Variants in NUP93 observed in about 807,000 individuals in gnomAD.
The protein encoded by NUP93 is nucleoporin 93, also known as nuclear pore complex protein Nup93.
Under a neutral mutation model 107.8 loss-of-function variants are expected in NUP93, and 55 were observed. The observed-to-expected ratio is 0.51, with a 90% confidence interval of 0.41 to 0.64. NUP93 has a LOEUF of 0.64. Ranked by LOEUF, NUP93 falls within the 30% of genes least tolerant of loss-of-function variation. The probability of loss-of-function intolerance (pLI) is 0.00; values close to 1 mark genes in which losing one functional copy is unlikely to be tolerated. For missense variants in NUP93, 937 were observed against 1,044.7 expected, an observed-to-expected ratio of 0.90 and a Z score of 1.42; for synonymous variants, 390 against 397.5, an observed-to-expected ratio of 0.98 and a Z score of 0.22.
rs755118448 is a variant in NUP93 at position 56,831,891 on chromosome 16, C to G, written c.1135C>G (p.Leu379Val). The change falls in exon 11 of 22, where the codon CTC becomes GTC. Residue 379 changes from leucine (L) to valine (V), a missense_variant. Physicochemically the swap from Leu to Val is conservative, Grantham distance 32. Transcript: ENST00000308159. ...NKLRLHYRRA[L>V]RNNTDPYKRA... ...GCTCCGGCTGCATTACCGTAGGGCC[C>G]TCAGGAACAATACAGATCCCTACAA... The G allele has an allele frequency of 4.3e-6, 7 of 1,614,116 alleles. No individual in the cohort carries two copies. Among genetic ancestry groups the G allele is most frequent in the Non-Finnish European group, 5.9e-6 (7 of 1,180,018 alleles).
At chr16:56,770,517 C>A (rs554558677) in intron 3 of NUP93, among the ~76,000 whole-genome samples, 22 of 152,132 alleles carry the variant, frequency 1.4e-4, no homozygotes, top group Non-Finnish European at 3.1e-4. Context: ...AAATTGACTT[C>A]CGCCACCCCC....
At chr16:56,831,724 AC>A (rs1963789987) in intron 10 of NUP93, 117 bp from the exon 11 acceptor site, 1 of 1,011,854 alleles carries the variant, frequency 9.9e-7, no homozygotes, top group African/African-American at 1.6e-5. Flanking sequence ...AGTGTCTCTT[AC>A]CCCGGATGAA....
rs1964139492 is a variant in NUP93 at position 56,848,415 on chromosome 16, C to T, written c.*3806C>T. The T allele has an allele frequency of 6.6e-6, 1 of 152,200 alleles. No homozygotes were observed. The highest frequency in any genetic ancestry group is 2.1e-4 in the South Asian group (1 of 4,822). The allele number at this position is 152,200 out of a possible 1,614,324, so 9.4% of individuals were successfully genotyped here. ...TATCAGAATTGAGCTTTTGTTCCTGCATCTCAGAAATACCAGGAAGAAGTC... is the reference window on the plus strand; with the variant it reads ...TATCAGAATTGAGCTTTTGTTCCTGTATCTCAGAAATACCAGGAAGAAGTC... On this transcript the variant is annotated 3_prime_UTR_variant, in exon 22 of 22. Coordinates refer to ENST00000308159, the MANE Select transcript of NUP93 (RefSeq NM_014669.5).
chr16:56,784,236 G>A (rs1375044041), intron 3 of NUP93, among the ~76,000 whole-genome samples: 1 of 152,098 alleles, frequency 6.6e-6, no homozygotes, highest in African/African-American at 2.4e-5. Context: ...AAAGCAGTCT[G>A]TTTTCCATTC....
rs1964114623 is a variant in NUP93 at position 56,846,191 on chromosome 16, A to T, written c.*1582A>T. On this transcript the variant is annotated 3_prime_UTR_variant, in exon 22 of 22. Transcript: ENST00000308159. ...CTTTGGGAGGCCAAGGCAGGTGATCACCTGAGATCAGGAGTTCAAGACCAG... is the reference window on the plus strand; with the variant it reads ...CTTTGGGAGGCCAAGGCAGGTGATCTCCTGAGATCAGGAGTTCAAGACCAG... The T allele has an allele frequency of 1.1e-5, 1 of 88,820 alleles. No individual in the cohort carries two copies. Among genetic ancestry groups the T allele is most frequent in the African/African-American group, 3.7e-5 (1 of 27,170 alleles). The allele number at this position is 88,820 out of a possible 1,614,324, so 5.5% of individuals were successfully genotyped here. A position where few individuals can be genotyped will look rare whatever the true frequency, so the allele number is the denominator to read the frequency against.
rs1188027635 is a variant in NUP93 at position 56,827,044 on chromosome 16, CAAAAAAAAA to C, written c.795-1916_795-1908del. ...CTGGGGATGGAATGAGACTCCGTCT[CAAAAAAAAA>C]AAAAAAAAAAAAAAAATTTTGTTGA... On this transcript the variant is annotated intron_variant, in intron 8 of 21. Transcript: ENST00000308159. 3.2e-4 allele frequency among the ~76,000 whole-genome samples: 17 copies of C among 53,612 alleles called. 1 individual carries two copies. Among genetic ancestry groups the C allele is most frequent in the East Asian group, 1.5e-3 (3 of 2,048 alleles). The allele number at this position is 53,612 out of a possible 152,430, so 35.2% of individuals were successfully genotyped here.
intron 1 of NUP93, among the ~76,000 whole-genome samples, chr16:56,740,115 G>T (rs1420569093): frequency 3.4e-4 from 47 of 137,792 alleles, no homozygotes; most frequent in East Asian, 1.4e-3. Flanking sequence ...CGGCTGGCCA[G>T]GCGGGGGGCT....
chr16:56,840,258 G>C (rs1471315042), intron 20 of NUP93, among the ~76,000 whole-genome samples: 1 of 152,162 alleles, frequency 6.6e-6, no homozygotes, highest in African/African-American at 2.4e-5. Flanking sequence ...CTGACCTCGT[G>C]ATCTGCCCGC....
At chr16:56,796,516 C>T (rs1476865770) in intron 3 of NUP93, among the ~76,000 whole-genome samples, 1 of 152,182 alleles carries the variant, frequency 6.6e-6, no homozygotes, top group East Asian at 1.9e-4. Context: ...TGATGCTTGA[C>T]TATATACTAA....
intron 3 of NUP93, among the ~76,000 whole-genome samples, chr16:56,796,142 C>A (rs1450822662): frequency 1.3e-5 from 2 of 152,180 alleles, no homozygotes; most frequent in Non-Finnish European, 2.9e-5. Flanking sequence ...GCCTCCCGAC[C>A]TGCCTCCCCC....
At chr16:56,834,069 G>C in intron 13 of NUP93, 59 bp from the exon 14 acceptor site, 1 of 1,600,648 alleles carries the variant, frequency 6.2e-7, no homozygotes, top group East Asian at 2.2e-5. Flanking sequence ...CATAGTTTCT[G>C]GGTTGCATGG....
At chr16:56,754,892 C>T (rs1304674431) in intron 2 of NUP93, among the ~76,000 whole-genome samples, 4 of 152,178 alleles carry the variant, frequency 2.6e-5, no homozygotes, top group Admixed American at 6.5e-5. Flanking sequence ...GGTAGCTGTT[C>T]GGAGGCTCCC....
intron 3 of NUP93, among the ~76,000 whole-genome samples, chr16:56,775,495 A>G (rs1301898503): frequency 1.3e-5 from 2 of 152,146 alleles, no homozygotes; most frequent in African/African-American, 2.4e-5. Flanking sequence ...GAAACTGGCT[A>G]CTTAAAATGC....
intron 2 of NUP93, among the ~76,000 whole-genome samples, chr16:56,749,801 A>T (rs1435053046): frequency 6.6e-6 from 1 of 152,210 alleles, no homozygotes; most frequent in African/African-American, 2.4e-5. Flanking sequence ...TTCTGTTGGC[A>T]TTGGTAAAGG....
chr16:56,781,765 C>T (rs750425951), intron 3 of NUP93: 20 of 936,408 alleles, frequency 2.1e-5, no homozygotes, highest in Non-Finnish European at 2.5e-5. Flanking sequence ...TGTCTCTCCC[C>T]CTCTTAAATC....
At chr16:56,843,843 T>G (rs1964071712) in intron 21 of NUP93, among the ~76,000 whole-genome samples, 1 of 152,232 alleles carries the variant, frequency 6.6e-6, no homozygotes, top group Non-Finnish European at 1.5e-5. Context: ...AGAAAGGTGT[T>G]GGTGGTAGAT....
At chr16:56,839,298 T>C (rs984860606) in intron 19 of NUP93, 61 of 407,398 alleles carry the variant, frequency 1.5e-4, no homozygotes, top group African/African-American at 1.3e-3. Context: ...AACAGAGAAG[T>C]TTCTCAAAGT....
chr16:56,750,725 G>T (rs1030238429), intron 2 of NUP93, among the ~76,000 whole-genome samples: 2 of 152,200 alleles, frequency 1.3e-5, no homozygotes, highest in Admixed American at 6.5e-5. Flanking sequence ...TACAGTATGA[G>T]AGTTGAGTAG....
intron 3 of NUP93, among the ~76,000 whole-genome samples, chr16:56,764,844 A>T (rs1360157629): frequency 3.9e-5 from 6 of 152,236 alleles, no homozygotes; most frequent in African/African-American, 1.4e-4. Context: ...TACAGTCTGA[A>T]TGGGTAAACA....
Sources: allele counts gnomAD v4.1 joint callset (sites outside exome capture counted in the v4.1 genomes callset), GRCh38; gene constraint gnomAD v4.1.1; transcripts MANE v1.5; gene names NCBI Gene and HGNC (gene_info 2026-07-23, HGNC 2026-07-21).